The following PSMD12 variants were observed in gnomAD, a reference collection of about 807,000 sequenced individuals.
The protein encoded by PSMD12 is 26S proteasome non-ATPase regulatory subunit 12.
In PSMD12, 8 loss-of-function variants were observed where a neutral mutation model predicts 62.9. That is an observed-to-expected ratio of 0.13 (90% CI 0.07 to 0.23). The LOEUF is 0.23. Ranked by LOEUF, PSMD12 falls within the 10% of genes least tolerant of loss-of-function variation. PSMD12 has a pLI of 1.00. For synonymous variants in PSMD12, 173 were observed against 187.4 expected (o/e 0.92, Z 0.63); for missense variants, 424 against 550.2 (o/e 0.77, Z 2.29).
At chr17:67,363,956 C>T (rs1050774733) in intron 1 of PSMD12, among the ~76,000 whole-genome samples, 5 of 151,752 alleles carry the variant, frequency 3.3e-5, no homozygotes, top group African/African-American at 7.3e-5. Flanking sequence ...GGCTGAGGCA[C>T]GAGAATCGCT....
intron 1 of PSMD12, 34 bp from the exon 2 acceptor site, chr17:67,357,612 A>C: frequency 6.3e-7 from 1 of 1,588,352 alleles, no homozygotes; most frequent in Non-Finnish European, 8.6e-7. Context: ...CAATAAAAAA[A>C]CACACAAAAT....
Position 67,360,792 on chromosome 17 carries a change from T to C in PSMD12, c.109-3214A>G, listed in dbSNP as rs536055974. Among the ~76,000 whole-genome samples, 4 of 152,370 alleles carry C rather than the reference T, an allele frequency of 2.6e-5. No homozygotes were observed. The East Asian group carries it at 5.8e-4, about 22-fold the overall frequency. ...GTTGAATGGATTGGCACTCACCTGATCTGTATTCAGTTGATCTCAATGGCT... is the reference window on the plus strand; with the variant it reads ...GTTGAATGGATTGGCACTCACCTGACCTGTATTCAGTTGATCTCAATGGCT... On this transcript the variant is annotated intron_variant, in intron 1 of 10. Coordinates refer to ENST00000356126, the MANE Select transcript of PSMD12 (RefSeq NM_002816.5).
In PSMD12 at chr17:67,339,193, C is replaced by T. The variant is rs1339843785; in HGVS notation, c.*1650G>A. Reference sequence around the variant, plus strand: ...TGTGATCTTGGCTCACTGCAACCTCCGCCTCCTGGCTTCAAGGAATTCTCC... The same window carrying T: ...TGTGATCTTGGCTCACTGCAACCTCTGCCTCCTGGCTTCAAGGAATTCTCC... On this transcript the variant is annotated 3_prime_UTR_variant, in exon 11 of 11. Coordinates refer to ENST00000356126, the MANE Select transcript of PSMD12 (RefSeq NM_002816.5). The T allele has an allele frequency of 3.3e-5, 5 of 151,988 alleles. No individual in the cohort carries two copies. The highest frequency in any genetic ancestry group is 7.3e-5 in the African/African-American group (3 of 41,372). The allele number at this position is 151,988 out of a possible 1,614,324, so 9.4% of individuals were successfully genotyped here. A position where few individuals can be genotyped will look rare whatever the true frequency, so the allele number is the denominator to read the frequency against.
At chr17:67,366,308 T>G in intron 1 of PSMD12, 104 bp downstream of exon 1, 1 of 1,115,960 alleles carries the variant, frequency 9.0e-7, no homozygotes, top group South Asian at 1.4e-5. Context: ...GGACAGGCAT[T>G]GGGGGGTGCA....
chr17:67,350,352 C>T lies in PSMD12; in HGVS notation c.298-16G>A. On this transcript the variant is annotated splice_polypyrimidine_tract_variant and intron_variant, in intron 3 of 10. Transcript: ENST00000356126. Reference sequence around the variant, plus strand: ...TGGCAACAGCCTAAAATATTAAAAACCATTCATAAGTAAAATACATTCCTC... The same window carrying T: ...TGGCAACAGCCTAAAATATTAAAAATCATTCATAAGTAAAATACATTCCTC... 4.5e-6 allele frequency: 7 copies of T among 1,545,642 alleles called. No homozygotes were observed. Among genetic ancestry groups the T allele is most frequent in the Non-Finnish European group, 6.2e-6 (7 of 1,134,768 alleles).
chr17:67,342,244 T>C lies in PSMD12; in HGVS notation c.1103A>G (p.Lys368Arg). The change falls in exon 10 of 11, where the codon AAG becomes AGG. Residue 368 changes from lysine (K) to arginine (R), a missense_variant. Coordinates refer to ENST00000356126, the MANE Select transcript of PSMD12 (RefSeq NM_002816.5). The stretch of plus-strand genomic sequence containing the variant: ...TTTCATTGTTATCCGAGTATAATAC[T>C]TGGCCATTATTCTAATATTCTGGGG... ...VVEHNIRIMA[K>R]YYTRITMKRM... is the part of the protein sequence containing the mutation. 1.3e-6 allele frequency: 2 copies of C among 1,581,444 alleles called. No homozygotes were observed. The highest frequency in any genetic ancestry group is 2.2e-5 in the South Asian group (2 of 90,264).
rs761725668 is a variant in PSMD12, at chr17:67,345,755, G to A, written c.898C>T (p.Pro300Ser). 6 of 1,604,356 alleles carry A rather than the reference G, an allele frequency of 3.7e-6. No individual in the cohort carries two copies. The highest frequency in any genetic ancestry group is 5.1e-6 in the Non-Finnish European group (6 of 1,172,110). Residue 300 changes from proline to serine, a missense_variant, in exon 8 of 11, where the codon CCC (proline) becomes TCC (serine). Physicochemically the swap from Pro to Ser is moderately conservative, Grantham distance 74. Coordinates refer to ENST00000356126, the MANE Select transcript of PSMD12 (RefSeq NM_002816.5). ...TTCAAAAGTACTTACTTGTATTTGG[G>A]AATTTCTTCTAACTTCTTGTCACCA... ...ISGDKKLEEIPKYKDLLKLFT... is the reference protein window; with the variant it reads ...ISGDKKLEEISKYKDLLKLFT...
At chr17:67,364,776 T>C (rs1487330300) in intron 1 of PSMD12, among the ~76,000 whole-genome samples, 2 of 152,248 alleles carry the variant, frequency 1.3e-5, no homozygotes, top group East Asian at 3.8e-4. Context: ...TTCATCTTCC[T>C]GGTTTCTCCC....
chr17:67,344,079 A>T (rs572567266), intron 9 of PSMD12, among the ~76,000 whole-genome samples: 1 of 152,178 alleles, frequency 6.6e-6, no homozygotes, highest in East Asian at 1.9e-4. Flanking sequence ...GGCTCACAAT[A>T]AAGTTTGTTA....
At chr17:67,359,371 A>T (rs565905299) in intron 1 of PSMD12, among the ~76,000 whole-genome samples, 19 of 152,352 alleles carry the variant, frequency 1.2e-4, no homozygotes, top group South Asian at 8.3e-4. Context: ...AAAAATTTTT[A>T]AAATGCATTT....
In PSMD12 at chr17:67,338,463, G is replaced by A. The variant is rs182859200; in HGVS notation, c.*2380C>T. 6.6e-6 allele frequency: 1 copy of A among 152,198 alleles called. No homozygotes were observed. Among genetic ancestry groups the A allele is most frequent in the Non-Finnish European group, 1.5e-5 (1 of 68,038 alleles). The allele number at this position is 152,198 out of a possible 1,614,324, so 9.4% of individuals were successfully genotyped here. A position where few individuals can be genotyped will look rare whatever the true frequency, so the allele number is the denominator to read the frequency against. ...TGACAGGAAAAAACACGAAATGGAT[G>A]AACAGCTGATCGAGTCGAGTGCAAT... is the stretch of plus-strand genomic sequence containing the variant. On this transcript the variant is annotated 3_prime_UTR_variant, in exon 11 of 11. Transcript: ENST00000356126.
chr17:67,341,452 A>T (rs2041914175), intron 10 of PSMD12, among the ~76,000 whole-genome samples: 1 of 132,372 alleles, frequency 7.6e-6, no homozygotes, highest in Non-Finnish European at 1.6e-5. Flanking sequence ...CCTGGGCGAC[A>T]AGGTGAGACT....
intron 4 of PSMD12, among the ~76,000 whole-genome samples, chr17:67,349,816 C>T (rs1423677916): frequency 6.6e-5 from 10 of 152,158 alleles, no homozygotes; most frequent in Non-Finnish European, 5.9e-5. Context: ...CATGCTTAGG[C>T]TTGCTTACCC....
intron 3 of PSMD12, among the ~76,000 whole-genome samples, 169 bp from the exon 4 acceptor site, chr17:67,350,505 C>T (rs566663607): frequency 8.5e-5 from 13 of 152,192 alleles, no homozygotes; most frequent in Non-Finnish European, 1.3e-4. Flanking sequence ...TAAAAAGTAC[C>T]GAGTACCCCG....
chr17:67,345,514 T>C (rs1296550802), intron 8 of PSMD12: 3 of 421,692 alleles, frequency 7.1e-6, no homozygotes, highest in Non-Finnish European at 1.3e-5. Context: ...TGGTAGCGGG[T>C]GCCTGTAATC....
rs374596254 is a variant in PSMD12, at chr17:67,348,457, A to G, written c.510+93T>C. 2.5e-5 allele frequency: 25 copies of G among 1,018,338 alleles called. No individual in the cohort carries two copies. The Middle Eastern group carries it at 8.8e-4, about 36-fold the overall frequency. 63.1% of individuals were successfully genotyped at this position (1,018,338 alleles called of 1,614,324 possible). A position where few individuals can be genotyped will look rare whatever the true frequency, so the allele number is the denominator to read the frequency against. On this transcript the variant is annotated intron_variant, in intron 5 of 10. Transcript: ENST00000356126. The stretch of plus-strand genomic sequence containing the variant: ...AATCCAAAATAATTATTGGTCCCAA[A>G]CATTTTGGATAAGGGATACTCAACC...
chr17:67,357,355 A>T lies in PSMD12; in HGVS notation c.245T>A (p.Leu82Ter). The change falls in exon 3 of 11, where the codon TTA becomes TAA. Residue 82 changes from leucine to a stop codon, truncating the protein, a stop_gained. Coordinates refer to ENST00000356126, the MANE Select transcript of PSMD12 (RefSeq NM_002816.5). LOFTEE classifies it high-confidence loss of function. ...KMCYEAKEWD[L>*]LNENIMLLSK... ...CAAAAGCATAATATTTTCATTAAGT[A>T]AATCCCATTCTTTAGCCTCATAGCA... 1 of 1,613,882 alleles carries T rather than the reference A, an allele frequency of 6.2e-7. No individual in the cohort carries two copies.
intron 3 of PSMD12, among the ~76,000 whole-genome samples, chr17:67,352,275 T>C (rs1038626369): frequency 1.3e-5 from 2 of 152,004 alleles, no homozygotes; most frequent in African/African-American, 4.8e-5. Flanking sequence ...TTAAAGTTTT[T>C]TTGTAAAGAC....
intron 4 of PSMD12, among the ~76,000 whole-genome samples, chr17:67,349,568 C>G (rs867504587): frequency 4.6e-5 from 7 of 152,126 alleles, no homozygotes; most frequent in African/African-American, 1.7e-4. Flanking sequence ...ATGCAAAATG[C>G]CTTGTGATTA....
Sources: gnomAD v4.1 joint callset for allele counts (sites outside exome capture counted in the v4.1 genomes callset) on GRCh38, gnomAD v4.1.1 for gene constraint, MANE v1.5 for transcripts, NCBI Gene and HGNC (gene_info 2026-07-23, HGNC 2026-07-21) for gene names.